CACNA1I: variants seen among roughly 807,000 people sequenced by gnomAD.
CACNA1I encodes the protein calcium voltage-gated channel subunit alpha1 I.
Under a neutral mutation model 201.6 loss-of-function variants are expected in CACNA1I, and 74 were observed. The observed-to-expected ratio is 0.37, with a 90% CI of 0.30 to 0.45. The LOEUF (loss-of-function observed/expected upper bound fraction) is 0.45. Ranked by LOEUF, CACNA1I falls within the 20% of genes least tolerant of loss-of-function variation. The pLI is 1.00. For missense variants in CACNA1I, 2,346 were observed against 3,138.1 expected, an observed-to-expected ratio of 0.75 and a Z score of 6.03; for synonymous variants, 1,431 against 1,345.2, an observed-to-expected ratio of 1.06 and a Z score of -1.40.
At chr22:39,651,242 A>G (rs1174355891) in intron 10 of CACNA1I, among the ~76,000 whole-genome samples, 1 of 152,064 alleles carries the variant, frequency 6.6e-6, no homozygotes, top group Non-Finnish European at 1.5e-5. Context: ...AGGGCTTGGG[A>G]TTTCGACATT....
chr22:39,681,735 G>A (rs1935713585), intron 34 of CACNA1I, among the ~76,000 whole-genome samples: 1 of 151,942 alleles, frequency 6.6e-6, no homozygotes, highest in African/African-American at 2.4e-5. Context: ...GGGGTGGGGG[G>A]TGTAAGGGAC....
chr22:39,620,757 T>G (rs986130132), intron 4 of CACNA1I, among the ~76,000 whole-genome samples: 3 of 134,638 alleles, frequency 2.2e-5, no homozygotes, highest in Non-Finnish European at 4.9e-5. Context: ...TTTGTTTGTT[T>G]GTTTGTTTTT....
intron 1 of CACNA1I, among the ~76,000 whole-genome samples, chr22:39,585,386 C>CTTTCTTTTTTTTTTTTT (rs1485526954): frequency 3.3e-5 from 3 of 90,458 alleles, no homozygotes; most frequent in Non-Finnish European, 6.5e-5. Context: ...TTCTTTCTTT[C>CTTTCTTTTTTTTTTTTT]TTTTTTTTTT....
chr22:39,685,713 G>A lies in CACNA1I; in HGVS notation c.6028-48G>A, dbSNP rs1169441230. On this transcript the variant is annotated intron_variant, in intron 36 of 36. Transcript: ENST00000402142. This position sits in a 1 kb window ranked among gnomAD's most constrained non-coding sequence, Gnocchi z 5.0. Reference sequence around the variant, plus strand: ...GGGGAGGGCGGCGTCCAGGTTGCTGGGGTGGGGGCCGACACAGGCGGCCTC... The same window carrying A: ...GGGGAGGGCGGCGTCCAGGTTGCTGAGGTGGGGGCCGACACAGGCGGCCTC... 1 of 1,392,734 alleles carries A rather than the reference G, an allele frequency of 7.2e-7. No homozygotes were observed. Among genetic ancestry groups the A allele is most frequent in the Non-Finnish European group, 9.3e-7 (1 of 1,080,096 alleles). The allele number at this position is 1,392,734 out of a possible 1,614,324, so 86.3% of individuals were successfully genotyped here.
intron 4 of CACNA1I, among the ~76,000 whole-genome samples, chr22:39,620,345 A>G (rs973410630): frequency 1.3e-5 from 2 of 151,526 alleles, no homozygotes; most frequent in African/African-American, 2.4e-5. Context: ...TCATCTGTAT[A>G]GTCAGCCAGA....
intron 33 of CACNA1I, 100 bp from the exon 34 acceptor site, chr22:39,680,830 G>A (rs571699029): frequency 5.0e-5 from 67 of 1,335,956 alleles, no homozygotes; most frequent in Middle Eastern, 4.9e-4. Context: ...ACCACTGCTC[G>A]GCCTCTCTTC....
At chr22:39,663,163 G>C (rs978030925) in intron 18 of CACNA1I, among the ~76,000 whole-genome samples, 3 of 152,224 alleles carry the variant, frequency 2.0e-5, no homozygotes, top group African/African-American at 7.2e-5. Context: ...GAGGACTTTA[G>C]GCAAGACGGA....
At chr22:39,634,843 C>A in intron 5 of CACNA1I, 119 bp downstream of exon 5, 2 of 936,552 alleles carry the variant, frequency 2.1e-6, no homozygotes, top group South Asian at 1.7e-5. Context: ...AAAGAGAGGT[C>A]AGGTAGGAGG....
At chr22:39,594,833 C>T (rs1004325666) in intron 1 of CACNA1I, among the ~76,000 whole-genome samples, 1 of 152,108 alleles carries the variant, frequency 6.6e-6, no homozygotes, top group South Asian at 2.1e-4. Flanking sequence ...AGCACCCCCC[C>T]TTACCCACAA....
Position 39,642,781 on chromosome 22 carries a change from C to T in CACNA1I, c.1057-16C>T. ...TGGGCCAGTCCTCTCGGCTCTCTCT[C>T]CTCTGCGCGCTGCAGGTGATCACTC... is the stretch of plus-strand genomic sequence containing the variant. On this transcript the variant is annotated splice_polypyrimidine_tract_variant and intron_variant, in intron 6 of 36. Coordinates refer to ENST00000402142, the MANE Select transcript of CACNA1I (RefSeq NM_021096.4). 6.3e-7 allele frequency: 1 copy of T among 1,591,442 alleles called. No individual in the cohort carries two copies. Among genetic ancestry groups the T allele is most frequent in the Non-Finnish European group, 8.6e-7 (1 of 1,165,800 alleles).
At chr22:39,624,419 G>C (rs545893192) in intron 4 of CACNA1I, among the ~76,000 whole-genome samples, 8 of 152,296 alleles carry the variant, frequency 5.3e-5, no homozygotes, top group Admixed American at 3.3e-4. Context: ...AGCGGGCTCC[G>C]AGCCTTTCCT....
rs1422330806 is a variant in CACNA1I at position 39,687,455 on chromosome 22, C to CT, written c.*1051dup. 3.3e-5 allele frequency: 5 copies of CT among 152,322 alleles called. No individual in the cohort carries two copies. Among genetic ancestry groups the CT allele is most frequent in the Non-Finnish European group, 7.3e-5 (5 of 68,138 alleles). The allele number at this position is 152,322 out of a possible 1,614,324, so 9.4% of individuals were successfully genotyped here. ...CCCCCATATGGGCGCTGAGCTGTGG[C>CT]TGTTCCTGGACACTGTGCTGTCCCC... On this transcript the variant is annotated 3_prime_UTR_variant, in exon 37 of 37. Coordinates refer to ENST00000402142, the MANE Select transcript of CACNA1I (RefSeq NM_021096.4).
chr22:39,670,765 C>T (rs59214718), intron 25 of CACNA1I, 38 bp from the exon 26 acceptor site: 1 of 1,611,482 alleles, frequency 6.2e-7, no homozygotes, highest in Non-Finnish European at 8.5e-7. Context: ...GACCCCAACC[C>T]TCTGTGGTCT....
At chr22:39,627,710 C>T (rs982055431) in intron 4 of CACNA1I, among the ~76,000 whole-genome samples, 11 of 152,196 alleles carry the variant, frequency 7.2e-5, no homozygotes, top group African/African-American at 2.7e-4. Flanking sequence ...TGTTTACTCT[C>T]GGCTTGGGGA....
In CACNA1I at chr22:39,677,485, C is replaced by T. The variant is rs1197979570; in HGVS notation, c.4933+66C>T. 17 of 761,654 alleles carry T rather than the reference C, an allele frequency of 2.2e-5. No homozygotes were observed. The highest frequency in any genetic ancestry group is 3.5e-5 in the South Asian group (2 of 56,744). The allele number at this position is 761,654 out of a possible 1,614,324, so 47.2% of individuals were successfully genotyped here. On this transcript the variant is annotated intron_variant, in intron 30 of 36. Transcript: ENST00000402142. The surrounding 1 kb of genome is among the most constrained non-coding windows in gnomAD (Gnocchi z 4.8). ...AGGGCTGCAGGAGGAACTGGGGGGG[C>T]GGGGGAGGCCTGAGACCCCTGAGCC...
At chr22:39,642,093 G>GCCTCTGCTGCCCTGTGCTGC (rs1450850525) in intron 6 of CACNA1I, among the ~76,000 whole-genome samples, 4 of 152,144 alleles carry the variant, frequency 2.6e-5, no homozygotes, top group Non-Finnish European at 5.9e-5. Flanking sequence ...GCCCTGCGCT[G>GCCTCTGCTGCCCTGTGCTGC]CCTCTGCTGC....
At chr22:39,606,774 C>T (rs1282031342) in intron 3 of CACNA1I, among the ~76,000 whole-genome samples, 1 of 152,242 alleles carries the variant, frequency 6.6e-6, no homozygotes, top group African/African-American at 2.4e-5. Context: ...TCAAGTGATC[C>T]ACCCTCCTCG....
rs899407536 is a variant in CACNA1I at position 39,605,772 on chromosome 22, G to A, written c.482+5119G>A. On this transcript the variant is annotated intron_variant, in intron 3 of 36. Transcript: ENST00000402142. ...GACAGACCTGGGGTAGGTAAGAGCTGGCCAGGCAGAGAGCTGGGGGAAAGG... is the reference window on the plus strand; with the variant it reads ...GACAGACCTGGGGTAGGTAAGAGCTAGCCAGGCAGAGAGCTGGGGGAAAGG... 5.9e-5 allele frequency among the ~76,000 whole-genome samples: 9 copies of A among 152,056 alleles called. 1 individual carries two copies. In the Middle Eastern group the frequency reaches 9.5e-3, roughly 160 times the overall value.
chr22:39,672,718 ATATT>A (rs1378240930), intron 27 of CACNA1I, among the ~76,000 whole-genome samples: 4 of 152,110 alleles, frequency 2.6e-5, no homozygotes, highest in African/African-American at 9.7e-5. Flanking sequence ...GAGGCCAGAG[ATATT>A]TATTTAGCCT....
Sources: allele counts gnomAD v4.1 joint callset (sites outside exome capture counted in the v4.1 genomes callset), GRCh38; gene constraint gnomAD v4.1.1; non-coding constraint Gnocchi (gnomAD v3.1); transcripts MANE v1.5; gene names NCBI Gene and HGNC (gene_info 2026-07-23, HGNC 2026-07-21).